The following PTDSS2 variants were observed in gnomAD, a reference collection of about 807,000 sequenced individuals.
The protein encoded by PTDSS2 is phosphatidylserine synthase 2, also known as PSS-2.
In PTDSS2, 41 loss-of-function variants were observed where a neutral mutation model predicts 64.7. The ratio of observed to expected loss-of-function variants is 0.63; its 90% CI spans 0.49 to 0.82. The LOEUF is 0.82. PTDSS2 is among the 40% of genes least tolerant of loss of function. The probability of loss-of-function intolerance (pLI) is 0.00; values close to 1 mark genes in which losing one functional copy is unlikely to be tolerated. For missense variants in PTDSS2, 485 were observed against 650.0 expected, an observed-to-expected ratio of 0.75 and a Z score of 2.76; for synonymous variants, 297 against 277.8, an observed-to-expected ratio of 1.07 and a Z score of -0.69.
intron 1 of PTDSS2, among the ~76,000 whole-genome samples, chr11:455,363 C>T (rs551748755): frequency 2.0e-5 from 3 of 152,286 alleles, no homozygotes; most frequent in East Asian, 3.9e-4. Context: ...CTGTTAGCTT[C>T]CCCACTGGAG....
chr11:462,632 G>A lies in PTDSS2; in HGVS notation c.284+2344G>A, dbSNP rs866494868. 1.8e-4 allele frequency among the ~76,000 whole-genome samples: 28 copies of A among 152,226 alleles called. No homozygotes were observed. The highest frequency in any genetic ancestry group is 3.4e-3 in the Middle Eastern group (1 of 294). On this transcript the variant is annotated intron_variant, in intron 2 of 11. Coordinates refer to ENST00000308020, the MANE Select transcript of PTDSS2 (RefSeq NM_030783.3). The surrounding 1 kb of genome is among the most constrained non-coding windows in gnomAD (Gnocchi z 4.5). ...TGTGGCTCCTTCCAGTGAAATTGCC[G>A]TGGTGCACCTGTCCTGAGTCCATTC... is the stretch of plus-strand genomic sequence containing the variant.
rs563735273 is a variant in PTDSS2 at position 459,815 on chromosome 11, AGTT to A, written c.183-366_183-364del. ...CAGATGTTATTTCATGAACCCAAAG[AGTT>A]GTTGTCTCGGCTTGTCTTGCGCAGT... is the stretch of plus-strand genomic sequence containing the variant. On this transcript the variant is annotated intron_variant, in intron 1 of 11. Coordinates refer to ENST00000308020, the MANE Select transcript of PTDSS2 (RefSeq NM_030783.3). The A allele has an allele frequency of 1.7e-3, 385 of 221,256 alleles. 2 individuals are homozygous for A. The highest frequency in any genetic ancestry group is 2.3e-3 in the Non-Finnish European group (246 of 108,990). The allele number at this position is 221,256 out of a possible 1,614,324, so 13.7% of individuals were successfully genotyped here.
chr11:481,265 G>C (rs1378764233), intron 4 of PTDSS2, among the ~76,000 whole-genome samples: 2 of 152,134 alleles, frequency 1.3e-5, no homozygotes, highest in Admixed American at 6.5e-5. Context: ...TCCCTCAAGT[G>C]ACATTTGCAA....
chr11:474,039 G>A, intron 3 of PTDSS2, 62 bp downstream of exon 3: 6 of 1,340,920 alleles, frequency 4.5e-6, no homozygotes, highest in Non-Finnish European at 6.4e-6. Flanking sequence ...CGGCCACTCT[G>A]TGTCTGTGCT....
At chr11:450,006 A>T (rs749898984), upstream of PTDSS2, among the ~76,000 whole-genome samples, 2 of 152,000 alleles carry the variant, frequency 1.3e-5, no homozygotes, top group Non-Finnish European at 2.9e-5. Context: ...CAAAAGGAGA[A>T]CGGGGCTGGG....
Position 488,650 on chromosome 11 carries a change from A to C in PTDSS2, c.854+3A>C. ...CTCTGGAACATTCCGACCTACAAGT[A>C]CGTCGTGGGGGCTGCGAGGGCAGGG... On this transcript the variant is annotated splice_donor_region_variant and intron_variant, in intron 8 of 11. Coordinates refer to ENST00000308020, the MANE Select transcript of PTDSS2 (RefSeq NM_030783.3). The C allele has an allele frequency of 6.3e-7, 1 of 1,592,906 alleles. No homozygotes were observed. The highest frequency in any genetic ancestry group is 8.6e-7 in the Non-Finnish European group (1 of 1,163,488).
intron 3 of PTDSS2, among the ~76,000 whole-genome samples, chr11:475,102 T>G (rs1013515631): frequency 1.3e-5 from 2 of 151,494 alleles, no homozygotes; most frequent in Non-Finnish European, 2.9e-5. Flanking sequence ...GTGGGACATA[T>G]TCACGCGTTT....
At chr11:487,512 A>AG in intron 6 of PTDSS2, 42 bp downstream of exon 6, 1 of 1,589,034 alleles carries the variant, frequency 6.3e-7, no homozygotes, top group Non-Finnish European at 8.6e-7. Flanking sequence ...CCCGGTTCTG[A>AG]GGCCTGCCGT....
chr11:454,794 GA>G (rs921157484), intron 1 of PTDSS2, among the ~76,000 whole-genome samples: 2 of 151,980 alleles, frequency 1.3e-5, no homozygotes, highest in Non-Finnish European at 2.9e-5. Context: ...ATCTCAAAAA[GA>G]AAAAAAGAAG....
At position 460,563 on chromosome 11, in the gene PTDSS2, G is replaced by C. The variant is rs1846830024; in HGVS notation, c.284+275G>C. 2.4e-6 allele frequency: 1 copy of C among 415,908 alleles called. No individual in the cohort carries two copies. Among genetic ancestry groups the C allele is most frequent in the African/African-American group, 2.0e-5 (1 of 49,638 alleles). 25.8% of individuals were successfully genotyped at this position (415,908 alleles called of 1,614,324 possible). A position where few individuals can be genotyped will look rare whatever the true frequency, so the allele number is the denominator to read the frequency against. On this transcript the variant is annotated intron_variant, in intron 2 of 11. Transcript: ENST00000308020. The surrounding 1 kb of genome is among the most constrained non-coding windows in gnomAD (Gnocchi z 5.8). ...CGGCAGCCTGTGCTGCGTTTCCTCTGAGTTTTGCATGTTGAGGTTGGAACG... is the reference window on the plus strand; with the variant it reads ...CGGCAGCCTGTGCTGCGTTTCCTCTCAGTTTTGCATGTTGAGGTTGGAACG...
intron 1 of PTDSS2, among the ~76,000 whole-genome samples, 162 bp downstream of exon 1, chr11:450,799 G>A (rs1024362152): frequency 2.6e-5 from 4 of 152,054 alleles, no homozygotes; most frequent in Non-Finnish European, 5.9e-5. Flanking sequence ...CGGGTCCCGG[G>A]GAGCGGCCGG....
Position 450,472 on chromosome 11 carries a change from G to T in PTDSS2, c.17G>T (p.Arg6Leu), listed in dbSNP as rs1365659583. The T allele has an allele frequency of 2.4e-6, 3 of 1,231,360 alleles. No individual in the cohort carries two copies. The highest frequency in any genetic ancestry group is 3.1e-6 in the Non-Finnish European group (3 of 983,436). The allele number at this position is 1,231,360 out of a possible 1,614,324, so 76.3% of individuals were successfully genotyped here. ...CGAAACGCCATGCGGAGGGGCGAGCGCAGGGACGCCGGAGGTCCGCGGCCC... is the reference window on the plus strand; with the variant it reads ...CGAAACGCCATGCGGAGGGGCGAGCTCAGGGACGCCGGAGGTCCGCGGCCC... MRRGE[R>L]RDAGGPRPES... Residue 6 changes from arginine to leucine, a missense_variant, in exon 1 of 12, where the codon CGC (arginine) becomes CTC (leucine). By Grantham distance (102) the Arg-to-Leu change is moderately radical (BLOSUM62 -2). Coordinates refer to ENST00000308020, the MANE Select transcript of PTDSS2 (RefSeq NM_030783.3).
At position 462,985 on chromosome 11, in the gene PTDSS2, G is replaced by C. The variant is rs1367906347; in HGVS notation, c.284+2697G>C. On this transcript the variant is annotated intron_variant, in intron 2 of 11. Transcript: ENST00000308020. The surrounding 1 kb of genome is among the most constrained non-coding windows in gnomAD (Gnocchi z 4.5). ...AGATCGAGACCAACCTAACCAACAT[G>C]GTGAAATCCTGTCTCTACTAAAAAT... 3.3e-5 allele frequency: 5 copies of C among 151,510 alleles called. No homozygotes were observed. The highest frequency in any genetic ancestry group is 7.4e-5 in the Non-Finnish European group (5 of 67,860). 9.4% of individuals were successfully genotyped at this position (151,510 alleles called of 1,614,324 possible).
intron 1 of PTDSS2, 146 bp downstream of exon 1, chr11:450,783 G>A: frequency 4.1e-6 from 3 of 735,310 alleles, no homozygotes; most frequent in Non-Finnish European, 5.6e-6. Context: ...TGGCAGCACC[G>A]CCCCCCGGGT....
intron 2 of PTDSS2, among the ~76,000 whole-genome samples, chr11:465,578 A>G (rs917890719): frequency 2.6e-5 from 4 of 152,218 alleles, no homozygotes; most frequent in Non-Finnish European, 5.9e-5. Context: ...ATAATAAAAT[A>G]CCAGTAGCAC....
intron 8 of PTDSS2, 111 bp from the exon 9 acceptor site, chr11:489,289 G>A (rs770991297): frequency 1.5e-5 from 13 of 863,928 alleles, no homozygotes; most frequent in African/African-American, 3.3e-5. Context: ...AGCAGAGCTC[G>A]TCCGATGGCA....
intron 8 of PTDSS2, 60 bp downstream of exon 8, chr11:488,707 C>T (rs1393341002): frequency 1.0e-5 from 13 of 1,262,298 alleles, no homozygotes; most frequent in East Asian, 6.9e-5. Flanking sequence ...GCAGCCTCAG[C>T]GTCCGTGCTC....
At chr11:456,890 T>C (rs879414584) in intron 1 of PTDSS2, among the ~76,000 whole-genome samples, 10 of 152,118 alleles carry the variant, frequency 6.6e-5, no homozygotes, top group Admixed American at 6.5e-4. Context: ...AAGAAAAAGG[T>C]GGTTGATAGT....
rs1482095984 is a variant in PTDSS2 at position 485,107 on chromosome 11, CAG to C, written c.436-1831_436-1830del. ...CTTACTGTGCACAGGCGAGTGTAAA[CAG>C]TGCACGGGCGCGTGTGCTCACTGTG... On this transcript the variant is annotated intron_variant, in intron 4 of 11. Coordinates refer to ENST00000308020, the MANE Select transcript of PTDSS2 (RefSeq NM_030783.3). Among the ~76,000 whole-genome samples the C allele has an allele frequency of 1.8e-3, 137 of 78,048 alleles. 4 individuals are homozygous for C. The highest frequency in any genetic ancestry group is 7.5e-3 in the African/African-American group (116 of 15,406). 51.2% of individuals were successfully genotyped at this position (78,048 alleles called of 152,430 possible).
Sources: gnomAD v4.1 joint callset for allele counts (sites outside exome capture counted in the v4.1 genomes callset) on GRCh38, gnomAD v4.1.1 for gene constraint, Gnocchi (gnomAD v3.1) non-coding constraint, MANE v1.5 for transcripts, NCBI Gene and HGNC (gene_info 2026-07-23, HGNC 2026-07-21) for gene names.